STAC: variants seen among roughly 807,000 people sequenced by gnomAD.
STAC encodes SH3 and cysteine-rich domain-containing protein.
STAC carries 43 observed loss-of-function variants against 48.8 expected under a neutral mutation model. The ratio of observed to expected loss-of-function variants is 0.88; its 90% CI spans 0.69 to 1.14. The LOEUF is 1.14. Among genes scored for constraint, STAC ranks in the 50% most tolerant of loss-of-function variants. The probability of loss-of-function intolerance (pLI) is 0.00; values close to 1 mark genes in which losing one functional copy is unlikely to be tolerated. For missense variants in STAC, 497 were observed against 504.0 expected (o/e 0.99, Z 0.13); for synonymous variants, 193 against 179.5 (o/e 1.07, Z -0.60).
chr3:36,509,195 TA>T (rs1698476203), intron 8 of STAC, among the ~76,000 whole-genome samples: 1 of 152,210 alleles, frequency 6.6e-6, no homozygotes, highest in Non-Finnish European at 1.5e-5. Flanking sequence ...TGGCTGGATA[TA>T]AAATTCTGGG....
intron 6 of STAC, among the ~76,000 whole-genome samples, chr3:36,495,982 A>G (rs1698144016): frequency 6.6e-6 from 1 of 152,204 alleles, no homozygotes; most frequent in Non-Finnish European, 1.5e-5. Context: ...ACTTAGTCCA[A>G]TTCCCTCCCC....
At position 36,390,451 on chromosome 3, in the gene STAC, C is replaced by CTTTTTTTTT. The variant is rs59589769; in HGVS notation, c.111+9710_111+9718dup. 5.3e-3 allele frequency among the ~76,000 whole-genome samples: 428 copies of CTTTTTTTTT among 80,780 alleles called. 6 individuals carry two copies. The highest frequency in any genetic ancestry group is 6.4e-3 in the Non-Finnish European group (262 of 40,982). The allele number at this position is 80,780 out of a possible 152,430, so 53.0% of individuals were successfully genotyped here. On this transcript the variant is annotated intron_variant, in intron 1 of 10. Transcript: ENST00000273183. ...GAAGTAATCATGTGATTTTTCTTTT[C>CTTTTTTTTT]TTTTTTTTTTTTTTTTTTTTTGTCC...
At chr3:36,388,692 G>A (rs1308566942) in intron 1 of STAC, among the ~76,000 whole-genome samples, 1 of 151,846 alleles carries the variant, frequency 6.6e-6, no homozygotes, top group Non-Finnish European at 1.5e-5. Flanking sequence ...CCCAAATGAT[G>A]AATCAGTATT....
intron 2 of STAC, among the ~76,000 whole-genome samples, chr3:36,457,160 G>A (rs1696877770): frequency 6.6e-6 from 1 of 152,180 alleles, no homozygotes; most frequent in African/African-American, 2.4e-5. Flanking sequence ...GTCATCAACA[G>A]TGCCACAGGT....
chr3:36,497,921 G>A (rs1698187430), intron 6 of STAC, among the ~76,000 whole-genome samples: 1 of 152,036 alleles, frequency 6.6e-6, no homozygotes, highest in Non-Finnish European at 1.5e-5. Context: ...CCAGGCATTT[G>A]GCAGAAACAA....
intron 2 of STAC, among the ~76,000 whole-genome samples, chr3:36,447,647 CACCACACACACACACA>C (rs1402558480): frequency 8.0e-6 from 1 of 124,482 alleles, no homozygotes; most frequent in Non-Finnish European, 1.7e-5. Context: ...TATGTATACA[CACCACACACACACACA>C]CACACACACA....
chr3:36,546,241 T>C lies in STAC; in HGVS notation c.1161T>C (p.Ser387=). ...EEQDGFIRVL[S]GKKKGLIPLD... ...AAGATGGTTTTATCAGAGTCCTCAGTGGAAAAAAGAAAGGCCTCATCCCCC... is the reference window on the plus strand; with the variant it reads ...AAGATGGTTTTATCAGAGTCCTCAGCGGAAAAAAGAAAGGCCTCATCCCCC... The change falls in exon 11 of 11, where the codon AGT becomes AGC. Residue 387 remains serine (S), a synonymous_variant. Coordinates refer to ENST00000273183, the MANE Select transcript of STAC (RefSeq NM_003149.3). 2 of 1,613,912 alleles carry C rather than the reference T, an allele frequency of 1.2e-6. No individual in the cohort carries two copies. Among genetic ancestry groups the C allele is most frequent in the African/African-American group, 1.3e-5 (1 of 74,974 alleles).
At chr3:36,488,678 A>C (rs1463939162) in intron 5 of STAC, among the ~76,000 whole-genome samples, 1 of 152,142 alleles carries the variant, frequency 6.6e-6, no homozygotes, top group African/African-American at 2.4e-5. Context: ...TAGGTCCTAT[A>C]ATTCAAAACT....
In STAC at chr3:36,505,307, T is replaced by C. The variant is rs1698374599; in HGVS notation, c.832-439T>C. Reference sequence around the variant, plus strand: ...GAACTAATTGCCAGATGAATATACCTGGTTCCCTTTGATATACTAGATACC... The same window carrying C: ...GAACTAATTGCCAGATGAATATACCCGGTTCCCTTTGATATACTAGATACC... On this transcript the variant is annotated intron_variant, in intron 7 of 10. Coordinates refer to ENST00000273183, the MANE Select transcript of STAC (RefSeq NM_003149.3). 2.0e-5 allele frequency among the ~76,000 whole-genome samples: 3 copies of C among 152,154 alleles called. No homozygotes were observed. The South Asian group carries it at 6.2e-4, about 32-fold the overall frequency.
chr3:36,504,430 A>G lies in STAC; in HGVS notation c.804A>G (p.Arg268=). The G allele has an allele frequency of 6.2e-7, 1 of 1,613,628 alleles. No individual in the cohort carries two copies. The highest frequency in any genetic ancestry group is 8.5e-7 in the Non-Finnish European group (1 of 1,179,704). ...TYPENGTDDF[R]DPAKNINHQG... ...CAGAAAATGGCACTGATGATTTCAG[A>G]GATCCAGCGAAGAACATAAACCACC... Residue 268 remains arginine (R), a synonymous_variant, in exon 7 of 11, where the codon AGA becomes AGG. Transcript: ENST00000273183.
chr3:36,524,408 G>A (rs1170786478), intron 8 of STAC, among the ~76,000 whole-genome samples: 2 of 151,842 alleles, frequency 1.3e-5, no homozygotes, highest in African/African-American at 2.4e-5. Flanking sequence ...CCTGGCCAAC[G>A]TGGTGAAACC....
chr3:36,417,888 A>T (rs1700356079), intron 1 of STAC, among the ~76,000 whole-genome samples: 1 of 152,208 alleles, frequency 6.6e-6, no homozygotes. Context: ...TGTTTAAGCT[A>T]ATCAGCTATT....
chr3:36,470,173 G>C (rs1197040061), intron 2 of STAC, among the ~76,000 whole-genome samples: 4 of 152,120 alleles, frequency 2.6e-5, no homozygotes, highest in Non-Finnish European at 4.4e-5. Context: ...TTGTTTTTCT[G>C]GTTCTTTCTC....
rs561718499 is a variant in STAC at position 36,431,180 on chromosome 3, TCAACAGTTTTTCTACCTTTTAGA to T, written c.112-12181_112-12159del. Among the ~76,000 whole-genome samples the T allele has an allele frequency of 4.7e-4, 71 of 152,236 alleles. 2 individuals carry two copies. In the South Asian group the frequency reaches 0.014, roughly 30 times the overall value. ...CTATACTGTAAAATCCTCACTGCTC[TCAACAGTTTTTCTACCTTTTAGA>T]CAGCCAGCCAGCCATCATATTTCCA... On this transcript the variant is annotated intron_variant, in intron 1 of 10. Transcript: ENST00000273183.
Position 36,380,569 on chromosome 3 carries a change from C to T in STAC, c.-75C>T. ...GGACCCGGAGCTGAGCAGCCTGGCG[C>T]GCGGCGGGCAGGGCGCGCAGGACAG... On this transcript the variant is annotated 5_prime_UTR_variant, in exon 1 of 11. Coordinates refer to ENST00000273183, the MANE Select transcript of STAC (RefSeq NM_003149.3). 6 of 1,232,824 alleles carry T rather than the reference C, an allele frequency of 4.9e-6. No homozygotes were observed. Among genetic ancestry groups the T allele is most frequent in the Admixed American group, 2.0e-5 (1 of 50,064 alleles). The allele number at this position is 1,232,824 out of a possible 1,614,324, so 76.4% of individuals were successfully genotyped here.
At chr3:36,517,292 GA>G (rs1260486491) in intron 8 of STAC, among the ~76,000 whole-genome samples, 6 of 152,102 alleles carry the variant, frequency 3.9e-5, no homozygotes, top group Admixed American at 2.0e-4. Flanking sequence ...CTTTTTTGAA[GA>G]GCCCTGAAAA....
intron 8 of STAC, among the ~76,000 whole-genome samples, chr3:36,521,198 C>T (rs1698795457): frequency 6.6e-6 from 1 of 151,906 alleles, no homozygotes; most frequent in East Asian, 2.0e-4. Context: ...TTCGTTTTGC[C>T]TAATGAATGA....
intron 8 of STAC, among the ~76,000 whole-genome samples, chr3:36,517,175 A>T (rs769716474): frequency 9.9e-5 from 15 of 152,184 alleles, no homozygotes; most frequent in Non-Finnish European, 1.9e-4. Context: ...TGATAACATT[A>T]AAGGGCTACC....
chr3:36,472,075 C>T (rs369430031), intron 2 of STAC, among the ~76,000 whole-genome samples: 31 of 152,326 alleles, frequency 2.0e-4, no homozygotes, highest in South Asian at 8.3e-4. Context: ...CACATCCAGG[C>T]GTTTCCCTAC....
Sources: gnomAD v4.1 joint callset for allele counts (sites outside exome capture counted in the v4.1 genomes callset) on GRCh38, gnomAD v4.1.1 for gene constraint, MANE v1.5 for transcripts, NCBI Gene and HGNC (gene_info 2026-07-23, HGNC 2026-07-21) for gene names.